RBFOX1: variants seen among roughly 807,000 people sequenced by gnomAD.
RBFOX1 encodes the protein RNA binding protein fox-1 homolog 1.
A neutral mutation model predicts 57.7 loss-of-function variants in RBFOX1; 8 were observed. That is an observed-to-expected ratio of 0.14 (90% CI 0.08 to 0.25). The LOEUF is 0.25. Ranked by LOEUF, RBFOX1 falls within the 10% of genes least tolerant of loss-of-function variation. The pLI is 1.00. For synonymous variants in RBFOX1, 326 were observed against 222.4 expected, an observed-to-expected ratio of 1.47 and a Z score of -4.15; for missense variants, 611 against 548.5, an observed-to-expected ratio of 1.11 and a Z score of -1.14.
chr16:6,407,596 G>GAGAGAGAGAAAAC (rs71386523), intron 2 of RBFOX1, among the ~76,000 whole-genome samples: 1 of 146,090 alleles, frequency 6.8e-6, no homozygotes, highest in Admixed American at 6.8e-5. Flanking sequence ...AGAGAGAGAA[G>GAGAGAGAGAAAAC]TACATTCTAT....
intron 4 of RBFOX1, among the ~76,000 whole-genome samples, chr16:7,149,559 C>G (rs535724621): frequency 6.8e-6 from 1 of 147,662 alleles, no homozygotes; most frequent in South Asian, 2.1e-4. Flanking sequence ...AATCTCAGCT[C>G]AGTGCAACCT....
intron 3 of RBFOX1, among the ~76,000 whole-genome samples, chr16:7,025,523 C>T (rs898584758): frequency 6.6e-6 from 1 of 152,144 alleles, no homozygotes; most frequent in Non-Finnish European, 1.5e-5. Context: ...TGGAGTTGCT[C>T]TGGTTCAAAC....
intron 5 of RBFOX1, among the ~76,000 whole-genome samples, chr16:7,540,280 G>C (rs1170525256): frequency 7.9e-5 from 12 of 152,140 alleles, no homozygotes; most frequent in African/African-American, 2.9e-4. Context: ...GTCTCTGACT[G>C]TAGCAATATG....
intron 4 of RBFOX1, among the ~76,000 whole-genome samples, chr16:7,414,073 G>C (rs1568738895): frequency 6.6e-6 from 1 of 152,206 alleles, no homozygotes; most frequent in Non-Finnish European, 1.5e-5. Flanking sequence ...TTGGGAGTGA[G>C]ATAAGAATCT....
chr16:7,073,804 C>T (rs1286185912), intron 4 of RBFOX1, among the ~76,000 whole-genome samples: 1 of 152,058 alleles, frequency 6.6e-6, no homozygotes, highest in East Asian at 1.9e-4. Flanking sequence ...TCAGAGTGAG[C>T]TGTGATTTCA....
chr16:6,680,116 A>T (rs2154120739), intron 3 of RBFOX1, among the ~76,000 whole-genome samples: 1 of 152,056 alleles, frequency 6.6e-6, no homozygotes, highest in Non-Finnish European at 1.5e-5. Context: ...CATCTGTAAA[A>T]TGGGGTCATA....
At chr16:5,579,056 C>T (rs1263032515) in intron 2 of RBFOX1, among the ~76,000 whole-genome samples, 5 of 151,960 alleles carry the variant, frequency 3.3e-5, no homozygotes, top group African/African-American at 7.3e-5. Flanking sequence ...TTATGTTGGC[C>T]AGGCTGGTCT....
At chr16:5,842,633 A>G (rs1259698484) in intron 3 of RBFOX1, among the ~76,000 whole-genome samples, 4 of 152,150 alleles carry the variant, frequency 2.6e-5, no homozygotes, top group Admixed American at 2.0e-4. Context: ...TTAATAATAG[A>G]AAATAATGAG....
chr16:7,066,141 C>A (rs141170062), intron 4 of RBFOX1, among the ~76,000 whole-genome samples: 6 of 152,190 alleles, frequency 3.9e-5, no homozygotes, highest in Non-Finnish European at 8.8e-5. Context: ...CAAACAAATG[C>A]TAAGCAATGC....
chr16:5,519,049 T>C (rs1187239175), intron 2 of RBFOX1, among the ~76,000 whole-genome samples: 1 of 152,158 alleles, frequency 6.6e-6, no homozygotes, highest in Non-Finnish European at 1.5e-5. Flanking sequence ...GAGAACTGTG[T>C]GGCACAGGGA....
rs1567165850 is a variant in RBFOX1, at chr16:6,767,952, A to AT, written c.-16+113302_-16+113303insT. On this transcript the variant is annotated intron_variant, in intron 3 of 15. Coordinates refer to ENST00000550418, the MANE Select transcript of RBFOX1 (RefSeq NM_018723.4). ...AATAATAATAATAATAATAATAAGA[A>AT]GAAGAAGAAGAAGAAGAAGAAGAAG... Among the ~76,000 whole-genome samples, 346 of 97,830 alleles carry AT rather than the reference A, an allele frequency of 3.5e-3. 1 individual carries two copies. Among genetic ancestry groups the AT allele is most frequent in the African/African-American group, 7.6e-3 (170 of 22,348 alleles). The allele number at this position is 97,830 out of a possible 152,430, so 64.2% of individuals were successfully genotyped here.
intron 3 of RBFOX1, among the ~76,000 whole-genome samples, chr16:6,766,304 C>T (rs750305294): frequency 8.6e-5 from 13 of 151,902 alleles, no homozygotes; most frequent in African/African-American, 2.4e-4. Context: ...AGAATTTTTC[C>T]TTTTTTATTT....
rs77050936 is a variant in RBFOX1 at position 7,183,634 on chromosome 16, C to T, written c.27+131536C>T. Among the ~76,000 whole-genome samples, 47 of 152,126 alleles carry T rather than the reference C, an allele frequency of 3.1e-4. No individual in the cohort carries two copies. The East Asian group carries it at 6.9e-3, about 22-fold the overall frequency. ...CTGCATTAATAATCTCTTAGGGTCC[C>T]GAAGCAGGAACATGTATGAGAATAC... On this transcript the variant is annotated intron_variant, in intron 4 of 15. Coordinates refer to ENST00000550418, the MANE Select transcript of RBFOX1 (RefSeq NM_018723.4).
intron 3 of RBFOX1, among the ~76,000 whole-genome samples, chr16:5,684,850 T>C (rs775706613): frequency 2.0e-5 from 3 of 152,156 alleles, no homozygotes; most frequent in Non-Finnish European, 2.9e-5. Context: ...TGCGTTATGA[T>C]GTGAATGGGT....
intron 2 of RBFOX1, among the ~76,000 whole-genome samples, chr16:6,637,279 T>TTA (rs1467425419): frequency 1.7e-5 from 1 of 57,360 alleles, no homozygotes; most frequent in East Asian, 6.2e-4. Flanking sequence ...ATATTATATA[T>TTA]TATATATAAT....
intron 4 of RBFOX1, among the ~76,000 whole-genome samples, chr16:5,999,165 G>T (rs2060542720): frequency 6.6e-6 from 1 of 152,116 alleles, no homozygotes; most frequent in African/African-American, 2.4e-5. Flanking sequence ...TCACTCCTTA[G>T]AATGCATGCC....
chr16:5,731,227 T>A (rs2052361386), intron 3 of RBFOX1, among the ~76,000 whole-genome samples: 1 of 151,924 alleles, frequency 6.6e-6, no homozygotes, highest in Non-Finnish European at 1.5e-5. Flanking sequence ...AACAACACTA[T>A]CATTGTCATC....
At position 7,361,224 on chromosome 16, in the gene RBFOX1, G is replaced by C. The variant is rs535982227; in HGVS notation, c.28-156923G>C. ...CCAGTTTCGTTTTATGCAGGTTCTGGGCTCTGAAGGCCTGTTTGTGTCATT... is the reference window on the plus strand; with the variant it reads ...CCAGTTTCGTTTTATGCAGGTTCTGCGCTCTGAAGGCCTGTTTGTGTCATT... On this transcript the variant is annotated intron_variant, in intron 4 of 15. Coordinates refer to ENST00000550418, the MANE Select transcript of RBFOX1 (RefSeq NM_018723.4). Among the ~76,000 whole-genome samples the C allele has an allele frequency of 1.6e-3, 248 of 152,194 alleles. 1 individual carries two copies. Among genetic ancestry groups the C allele is most frequent in the African/African-American group, 5.8e-3 (241 of 41,544 alleles).
intron 1 of RBFOX1, among the ~76,000 whole-genome samples, chr16:6,173,021 G>A (rs2096973225): frequency 6.6e-6 from 1 of 152,090 alleles, no homozygotes; most frequent in Non-Finnish European, 1.5e-5. Flanking sequence ...CCTTCTCCAT[G>A]CATTTCTTTG....
Sources: allele counts gnomAD v4.1 joint callset (sites outside exome capture counted in the v4.1 genomes callset), GRCh38; gene constraint gnomAD v4.1.1; transcripts MANE v1.5; gene names NCBI Gene and HGNC (gene_info 2026-07-23, HGNC 2026-07-21).